POLR3F: variants seen among roughly 807,000 people sequenced by gnomAD.
The protein encoded by POLR3F is DNA-directed RNA polymerase III subunit RPC6.
In POLR3F, 31 loss-of-function variants were observed where a neutral mutation model predicts 43.6. The observed-to-expected ratio is 0.71, with a 90% CI of 0.53 to 0.96. POLR3F has a LOEUF of 0.96. Ranked by LOEUF, POLR3F falls within the 40% of genes least tolerant of loss-of-function variation. The pLI is 0.00. For synonymous variants in POLR3F, 114 were observed against 132.5 expected, an observed-to-expected ratio of 0.86 and a Z score of 0.96; for missense variants, 316 against 391.7, an observed-to-expected ratio of 0.81 and a Z score of 1.63.
intron 4 of POLR3F, among the ~76,000 whole-genome samples, chr20:18,474,440 CAG>C (rs1285729640): frequency 6.6e-6 from 1 of 152,058 alleles, no homozygotes; most frequent in East Asian, 1.9e-4. Flanking sequence ...TATCAGAAAA[CAG>C]AGATAAGGGT....
intron 2 of POLR3F, among the ~76,000 whole-genome samples, chr20:18,472,462 G>A (rs1433121836): frequency 5.3e-5 from 8 of 152,040 alleles, no homozygotes; most frequent in Admixed American, 4.6e-4. Context: ...GAGATTACAG[G>A]TGTGAGCCAC....
intron 6 of POLR3F, 85 bp downstream of exon 6, chr20:18,480,266 A>G (rs574040327): frequency 2.9e-6 from 4 of 1,383,048 alleles, no homozygotes; most frequent in Admixed American, 2.1e-5. Flanking sequence ...ATCATATTTT[A>G]TAGGAATTAA....
chr20:18,471,819 C>T (rs932872040), intron 2 of POLR3F, among the ~76,000 whole-genome samples: 2 of 152,222 alleles, frequency 1.3e-5, no homozygotes, highest in African/African-American at 4.8e-5. Flanking sequence ...CCTATCTCTA[C>T]TAAAATACAA....
chr20:18,481,540 C>T, intron 7 of POLR3F, 79 bp from the exon 8 acceptor site: 1 of 983,312 alleles, frequency 1.0e-6, no homozygotes, highest in Non-Finnish European at 1.6e-6. Context: ...CGCCCAGCAA[C>T]CCTTTACTGT....
At chr20:18,473,333 A>C (rs980365628) in intron 3 of POLR3F, 58 bp from the exon 4 acceptor site, 1 of 739,274 alleles carries the variant, frequency 1.4e-6, no homozygotes, top group East Asian at 2.5e-5. Context: ...GTAGTGATGT[A>C]GATTATTAGA....
intron 4 of POLR3F, among the ~76,000 whole-genome samples, chr20:18,474,528 C>CT (rs2059770041): frequency 1.4e-5 from 2 of 146,918 alleles, no homozygotes; most frequent in African/African-American, 2.5e-5. Flanking sequence ...TTTTTTTTTT[C>CT]TTTTTTTTGA....
At position 18,473,473 on chromosome 20, in the gene POLR3F, G is replaced by C. The variant is rs760624756; in HGVS notation, c.316+15G>C. 23 of 1,313,118 alleles carry C rather than the reference G, an allele frequency of 1.8e-5. No individual in the cohort carries two copies. The highest frequency in any genetic ancestry group is 2.4e-5 in the Non-Finnish European group (22 of 908,810). 81.3% of individuals were successfully genotyped at this position (1,313,118 alleles called of 1,614,324 possible). Reference sequence around the variant, plus strand: ...AGGAAATAAAGGTAAGCATGTGAAAGATGAAGCAGAAAAAAACATTGTCTT... The same window carrying C: ...AGGAAATAAAGGTAAGCATGTGAAACATGAAGCAGAAAAAAACATTGTCTT... On this transcript the variant is annotated intron_variant, in intron 4 of 8. Transcript: ENST00000377603.
intron 5 of POLR3F, among the ~76,000 whole-genome samples, chr20:18,477,227 TA>T (rs2059785257): frequency 6.6e-6 from 1 of 152,130 alleles, no homozygotes; most frequent in East Asian, 1.9e-4. Flanking sequence ...AACTGCAAAT[TA>T]AAATAAAATT....
In POLR3F at chr20:18,480,525, C is replaced by T; in HGVS notation, c.681+16C>T. ...AATCAGTAAGGTCAGAACTGAATTT[C>T]ATCTTATTTTTTAAAACTTATTCTT... On this transcript the variant is annotated intron_variant, in intron 7 of 8. Transcript: ENST00000377603. The T allele has an allele frequency of 7.3e-7, 1 of 1,372,578 alleles. No homozygotes were observed. 85.0% of individuals were successfully genotyped at this position (1,372,578 alleles called of 1,614,324 possible).
chr20:18,469,414 A>AT, intron 2 of POLR3F: 3 of 191,818 alleles, frequency 1.6e-5, no homozygotes, highest in South Asian at 1.0e-4. Context: ...TCAGACCTTC[A>AT]GACTTGGACT....
chr20:18,480,583 G>A (rs2148867319), intron 7 of POLR3F, 74 bp downstream of exon 7: 2 of 815,354 alleles, frequency 2.5e-6, no homozygotes, highest in South Asian at 3.2e-5. Flanking sequence ...ACATGTATTT[G>A]ACCCACATTG....
Position 18,483,494 on chromosome 20 carries a change from G to A in POLR3F, c.887G>A (p.Cys296Tyr). 1 of 1,513,724 alleles carries A rather than the reference G, an allele frequency of 6.6e-7. No individual in the cohort carries two copies. Among genetic ancestry groups the A allele is most frequent in the Non-Finnish European group, 9.0e-7 (1 of 1,109,546 alleles). The allele number at this position is 1,513,724 out of a possible 1,614,324, so 93.8% of individuals were successfully genotyped here. Residue 296 changes from cysteine to tyrosine, a missense_variant, in exon 9 of 9, where the codon TGC (cysteine) becomes TAC (tyrosine). Transcript: ENST00000377603. ...TCTTTTTTAAAGGTTTTTGATGACT[G>A]CCACGAAGGTGGTGAGATTTCACCA... ...PCGLCPVFDD[C>Y]HEGGEISPSN...
At chr20:18,473,860 G>T (rs2059766519) in intron 4 of POLR3F, among the ~76,000 whole-genome samples, 1 of 151,864 alleles carries the variant, frequency 6.6e-6, no homozygotes, top group South Asian at 2.1e-4. Context: ...TCTCGTTTTT[G>T]CAAGGACCAA....
At chr20:18,478,275 G>A (rs1347089116) in intron 5 of POLR3F, among the ~76,000 whole-genome samples, 1 of 151,734 alleles carries the variant, frequency 6.6e-6, no homozygotes, top group Non-Finnish European at 1.5e-5. Context: ...GAGTGCAGTG[G>A]CACAATCACA....
At chr20:18,469,200 G>A in intron 2 of POLR3F, 139 bp downstream of exon 2, 2 of 648,478 alleles carry the variant, frequency 3.1e-6, no homozygotes, top group Non-Finnish European at 2.8e-6. Flanking sequence ...ATATTTTATT[G>A]GAGTGTCTGT....
At chr20:18,479,153 AAAAAG>A (rs1176606064) in intron 5 of POLR3F, among the ~76,000 whole-genome samples, 3 of 152,062 alleles carry the variant, frequency 2.0e-5, no homozygotes, top group African/African-American at 4.8e-5. Context: ...TTTCAAAAAA[AAAAAG>A]AAAAGAAAAT....
intron 1 of POLR3F, 22 bp from the exon 2 acceptor site, chr20:18,468,922 A>C (rs762373905): frequency 9.1e-7 from 1 of 1,094,178 alleles, no homozygotes; most frequent in Non-Finnish European, 1.4e-6. Context: ...ATGAAGGATA[A>C]CATTAATACC....
rs768208088 is a variant in POLR3F at position 18,469,065 on chromosome 20, A to T, written c.180+4A>T. The T allele has an allele frequency of 7.9e-7, 1 of 1,262,428 alleles. No individual in the cohort carries two copies. Among genetic ancestry groups the T allele is most frequent in the Non-Finnish European group, 1.2e-6 (1 of 859,160 alleles). The allele number at this position is 1,262,428 out of a possible 1,614,324, so 78.2% of individuals were successfully genotyped here. On this transcript the variant is annotated splice_donor_region_variant and intron_variant, in intron 2 of 8. Transcript: ENST00000377603. ...CATCAATAGGTTGTTGTCTATGGTA[A>T]GGTGAATCTAACTATTTTGCATAAT...
chr20:18,468,653 G>T (rs2059723682), intron 1 of POLR3F, among the ~76,000 whole-genome samples: 1 of 152,062 alleles, frequency 6.6e-6, no homozygotes, highest in Non-Finnish European at 1.5e-5. Flanking sequence ...GAAAACTGAA[G>T]TCTCAGCTTT....
Sources: gnomAD v4.1 joint callset for allele counts (sites outside exome capture counted in the v4.1 genomes callset) on GRCh38, gnomAD v4.1.1 for gene constraint, MANE v1.5 for transcripts, NCBI Gene and HGNC (gene_info 2026-07-23, HGNC 2026-07-21) for gene names.